Variants in ERP44 observed in about 807,000 individuals in gnomAD.
The protein encoded by ERP44 is endoplasmic reticulum resident protein 44.
Under a neutral mutation model 53.4 loss-of-function variants are expected in ERP44, and 25 were observed. That is an observed-to-expected ratio of 0.47 (90% CI 0.34 to 0.65). ERP44 has a LOEUF of 0.65. Among genes scored for constraint, ERP44 ranks in the 30% least tolerant of loss-of-function variants. The pLI is 0.01. For missense variants in ERP44, 338 were observed against 493.2 expected (o/e 0.69, Z 2.98); for synonymous variants, 145 against 161.2 (o/e 0.90, Z 0.76).
chr9:100,015,218 T>C (rs937598922), intron 8 of ERP44, among the ~76,000 whole-genome samples: 15 of 152,224 alleles, frequency 9.9e-5, no homozygotes, highest in African/African-American at 3.6e-4. Flanking sequence ...TGTGATAATT[T>C]TGGGGGACCA....
chr9:100,089,359 T>A (rs950614812), intron 1 of ERP44, among the ~76,000 whole-genome samples: 118 of 152,048 alleles, frequency 7.8e-4, no homozygotes, highest in African/African-American at 2.8e-3. Context: ...GGCAGGCGGA[T>A]CACCTTAGGT....
intron 8 of ERP44, 134 bp from the exon 9 acceptor site, chr9:100,007,823 A>G (rs1417662820): frequency 1.5e-6 from 1 of 647,802 alleles, no homozygotes; most frequent in Non-Finnish European, 2.8e-6. Flanking sequence ...AAAAAGGCCC[A>G]GTGGTGTGAA....
At chr9:99,998,923 T>A in intron 10 of ERP44, 1 of 1,596,928 alleles carries the variant, frequency 6.3e-7, no homozygotes, top group Non-Finnish European at 8.6e-7. Flanking sequence ...TTGGCACTGG[T>A]CTTCTCTTCC....
At chr9:100,082,895 C>G (rs140749091) in intron 1 of ERP44, among the ~76,000 whole-genome samples, 1 of 152,004 alleles carries the variant, frequency 6.6e-6, no homozygotes, top group Non-Finnish European at 1.5e-5. Context: ...TTACATATTT[C>G]CAATGAAACC....
intron 4 of ERP44, among the ~76,000 whole-genome samples, chr9:100,031,170 A>G (rs1014031417): frequency 1.4e-5 from 2 of 144,224 alleles, no homozygotes; most frequent in Non-Finnish European, 3.0e-5. Context: ...GGTTAATTAC[A>G]GACTTTGCTG....
chr9:100,036,121 A>G (rs1825846383), intron 4 of ERP44, among the ~76,000 whole-genome samples: 1 of 152,234 alleles, frequency 6.6e-6, no homozygotes, highest in Admixed American at 6.5e-5. Flanking sequence ...ACTATTCACA[A>G]TAGCAAAACC....
intron 4 of ERP44, among the ~76,000 whole-genome samples, chr9:100,042,310 G>T (rs909199715): frequency 4.6e-5 from 7 of 152,152 alleles, no homozygotes; most frequent in African/African-American, 1.7e-4. Context: ...ATAAAAACGT[G>T]CACAACATCA....
chr9:100,019,249 T>C (rs1830557883), intron 6 of ERP44, among the ~76,000 whole-genome samples: 1 of 152,144 alleles, frequency 6.6e-6, no homozygotes, highest in African/African-American at 2.4e-5. Context: ...GCTTGCAGCA[T>C]TTAATGAATA....
At chr9:100,095,605 G>T (rs573501403) in intron 1 of ERP44, among the ~76,000 whole-genome samples, 1 of 152,088 alleles carries the variant, frequency 6.6e-6, no homozygotes, top group African/African-American at 2.4e-5. Context: ...ATGTCACCTG[G>T]GAAATTTTTT....
intron 2 of ERP44, among the ~76,000 whole-genome samples, chr9:100,058,695 A>C (rs1826111305): frequency 6.6e-6 from 1 of 152,210 alleles, no homozygotes; most frequent in South Asian, 2.1e-4. Context: ...TAACAGCATC[A>C]TTTGCACATC....
intron 1 of ERP44, among the ~76,000 whole-genome samples, chr9:100,080,446 A>C (rs971578285): frequency 3.9e-5 from 6 of 152,152 alleles, no homozygotes; most frequent in Non-Finnish European, 8.8e-5. Context: ...CAGTCCTCAG[A>C]TGAGAACCTA....
intron 4 of ERP44, among the ~76,000 whole-genome samples, chr9:100,034,969 T>C (rs902874671): frequency 6.6e-6 from 1 of 152,048 alleles, no homozygotes; most frequent in Non-Finnish European, 1.5e-5. Flanking sequence ...AAATAAGCAA[T>C]GGAAGAAGAC....
intron 7 of ERP44, 47 bp downstream of exon 7, chr9:100,018,209 T>C (rs1336449390): frequency 1.8e-6 from 2 of 1,092,680 alleles, no homozygotes; most frequent in Non-Finnish European, 2.8e-6. Context: ...CTTACGCATG[T>C]ATTTAAATTA....
rs879015161 is a variant in ERP44, at chr9:100,007,692, G to A, written c.763-3C>T. The A allele has an allele frequency of 2.9e-6, 4 of 1,372,104 alleles. No homozygotes were observed. The highest frequency in any genetic ancestry group is 4.2e-6 in the Non-Finnish European group (4 of 959,374). The allele number at this position is 1,372,104 out of a possible 1,614,324, so 85.0% of individuals were successfully genotyped here. ...GGCAGTCCTTCTTCTGTCAATTCCT[G>A]TAGAGAGAAGCATTCAATGAGAATT... is the stretch of plus-strand genomic sequence containing the variant. On this transcript the variant is annotated splice_region_variant and splice_polypyrimidine_tract_variant and intron_variant, in intron 8 of 11. Coordinates refer to ENST00000262455, the MANE Select transcript of ERP44 (RefSeq NM_015051.3).
chr9:100,029,317 G>GCAA (rs1407061679), intron 4 of ERP44, among the ~76,000 whole-genome samples: 1 of 152,128 alleles, frequency 6.6e-6, no homozygotes, highest in Non-Finnish European at 1.5e-5. Context: ...GAATATACAA[G>GCAA]CAACAACAAC....
rs373087096 is a variant in ERP44, at chr9:100,070,330, G to A, written c.58-10158C>T. Among the ~76,000 whole-genome samples, 152 of 152,208 alleles carry A rather than the reference G, an allele frequency of 1.0e-3. 4 individuals are homozygous for A. In the South Asian group the frequency reaches 0.029, roughly 30 times the overall value. ...CTGTGAAAAACATAATTTGTACATG[G>A]TTACATTAATCTTACAAACTTCATT... On this transcript the variant is annotated intron_variant, in intron 1 of 11. Transcript: ENST00000262455.
At chr9:100,021,936 C>G (rs2118655847) in intron 5 of ERP44, 106 bp downstream of exon 5, 3 of 971,326 alleles carry the variant, frequency 3.1e-6, no homozygotes, top group Middle Eastern at 4.7e-4. Context: ...TATGTCAAAT[C>G]CACTGCAATA....
intron 10 of ERP44, among the ~76,000 whole-genome samples, chr9:99,992,207 A>T (rs1295585536): frequency 6.6e-6 from 1 of 152,210 alleles, no homozygotes; most frequent in African/African-American, 2.4e-5. Flanking sequence ...TGGCAGAGAC[A>T]CAACAAAAAA....
intron 1 of ERP44, among the ~76,000 whole-genome samples, chr9:100,096,397 A>G (rs1432417224): frequency 6.6e-6 from 1 of 151,740 alleles, no homozygotes; most frequent in Non-Finnish European, 1.5e-5. Flanking sequence ...AGACGCAAAT[A>G]AATATATATA....
Sources: allele counts gnomAD v4.1 joint callset (sites outside exome capture counted in the v4.1 genomes callset), GRCh38; gene constraint gnomAD v4.1.1; transcripts MANE v1.5; gene names NCBI Gene and HGNC (gene_info 2026-07-23, HGNC 2026-07-21).